The following CCT2 variants were observed in gnomAD, a reference collection of about 807,000 sequenced individuals.
CCT2 encodes T-complex protein 1 subunit beta.
A neutral mutation model predicts 61.8 loss-of-function variants in CCT2; 18 were observed. The ratio of observed to expected loss-of-function variants is 0.29; its 90% CI spans 0.20 to 0.43. The LOEUF (loss-of-function observed/expected upper bound fraction) is 0.43. CCT2 is among the 20% of genes least tolerant of loss of function. The probability of loss-of-function intolerance (pLI) is 1.00; values close to 1 mark genes in which losing one functional copy is unlikely to be tolerated. For missense variants in CCT2, 556 were observed against 656.9 expected, an observed-to-expected ratio of 0.85 and a Z score of 1.68; for synonymous variants, 248 against 215.9, an observed-to-expected ratio of 1.15 and a Z score of -1.30.
intron 9 of CCT2, 76 bp from the exon 10 acceptor site, chr12:69,593,430 ATGTT>A: frequency 1.1e-6 from 1 of 898,120 alleles, no homozygotes; most frequent in South Asian, 1.6e-5. Context: ...TGTGGTAAAA[ATGTT>A]TACATGTTTT....
Position 69,587,976 on chromosome 12 carries a change from T to G in CCT2, c.303T>G (p.Ser101=). The G allele has an allele frequency of 6.2e-7, 1 of 1,613,846 alleles. No homozygotes were observed. The highest frequency in any genetic ancestry group is 8.5e-7 in the Non-Finnish European group (1 of 1,179,722). The change falls in exon 5 of 16, where the codon TCT becomes TCG. Residue 101 remains serine, a synonymous_variant. Transcript: ENST00000299300. Reference sequence around the variant, plus strand: ...ATGAAGTTGGTGATGGCACTACCTCTGTTACCGTTTTAGCAGCAGAATTAT... The same window carrying G: ...ATGAAGTTGGTGATGGCACTACCTCGGTTACCGTTTTAGCAGCAGAATTAT... The part of the protein sequence containing the change: ...QDDEVGDGTT[S]VTVLAAELLR...
rs1490316547 is a variant in CCT2, at chr12:69,597,138, A to C, written c.983-18A>C. ...TAAGCCTGCTGTGCATTTAACTAAT[A>C]CATGTTTATGTTTATAGGTGGTGAA... On this transcript the variant is annotated intron_variant, in intron 10 of 15. Transcript: ENST00000299300. The C allele has an allele frequency of 1.9e-6, 3 of 1,611,052 alleles. No homozygotes were observed. Among genetic ancestry groups the C allele is most frequent in the South Asian group, 2.2e-5 (2 of 90,842 alleles).
At chr12:69,585,941 G>A in intron 1 of CCT2, 1 of 1,281,128 alleles carries the variant, frequency 7.8e-7, no homozygotes, top group Non-Finnish European at 9.9e-7. Context: ...CCGCCCGGCA[G>A]GCGTCACCTT....
chr12:69,587,101 C>A (rs1881687750), intron 3 of CCT2: 1 of 348,910 alleles, frequency 2.9e-6, no homozygotes, highest in Non-Finnish European at 5.1e-6. Flanking sequence ...ATGTAACATA[C>A]TGTTTTATAA....
rs1272318919 is a variant in CCT2, at chr12:69,589,469, G to T, written c.447-16G>T. The T allele has an allele frequency of 5.0e-6, 8 of 1,597,078 alleles. No individual in the cohort carries two copies. The highest frequency in any genetic ancestry group is 3.3e-5 in the South Asian group (3 of 90,600). The stretch of plus-strand genomic sequence containing the variant: ...TAAAGTAGGGTTAATATGTATATTT[G>T]GTTGGTTTTATTTAGTTCCGATGAA... On this transcript the variant is annotated splice_polypyrimidine_tract_variant and intron_variant, in intron 6 of 15. Transcript: ENST00000299300.
chr12:69,597,083 C>G, intron 10 of CCT2, 73 bp from the exon 11 acceptor site: 1 of 1,375,622 alleles, frequency 7.3e-7, no homozygotes, highest in Non-Finnish European at 1.0e-6. Flanking sequence ...CATTATCTAT[C>G]CATTACTGCT....
rs1454240554 is a variant in CCT2, at chr12:69,586,046, A to G, written c.4-224A>G. ...TCAATCTCGCTGGTGTATAATTTATACTCCCGGGGGCCTTGTAAATCCGAA... is the reference window on the plus strand; with the variant it reads ...TCAATCTCGCTGGTGTATAATTTATGCTCCCGGGGGCCTTGTAAATCCGAA... On this transcript the variant is annotated intron_variant, in intron 1 of 15. Coordinates refer to ENST00000299300, the MANE Select transcript of CCT2 (RefSeq NM_006431.3). 7 of 1,382,156 alleles carry G rather than the reference A, an allele frequency of 5.1e-6. No individual in the cohort carries two copies. In the African/African-American group the frequency reaches 8.9e-5, roughly 18 times the overall value. The allele number at this position is 1,382,156 out of a possible 1,614,324, so 85.6% of individuals were successfully genotyped here.
intron 10 of CCT2, among the ~76,000 whole-genome samples, chr12:69,596,196 A>C (rs1691007908): frequency 6.6e-6 from 1 of 152,246 alleles, no homozygotes; most frequent in Non-Finnish European, 1.5e-5. Context: ...AACACAAAGC[A>C]GTCTCAGAAT....
rs761734093 is a variant in CCT2 at position 69,593,044 on chromosome 12, A to G, written c.819A>G (p.Glu273=). ...KVAEIEHAEK[E]KMKEKVERIL... Reference sequence around the variant, plus strand: ...CAGAAATAGAACATGCGGAAAAGGAAAAAATGAAGGAGAAAGTTGAACGTA... The same window carrying G: ...CAGAAATAGAACATGCGGAAAAGGAGAAAATGAAGGAGAAAGTTGAACGTA... Residue 273 remains glutamate, a synonymous_variant, in exon 9 of 16, where the codon GAA becomes GAG. Transcript: ENST00000299300. The G allele has an allele frequency of 1.2e-6, 2 of 1,613,730 alleles. No individual in the cohort carries two copies. Among genetic ancestry groups the G allele is most frequent in the South Asian group, 2.2e-5 (2 of 91,074 alleles).
At chr12:69,586,866 T>G in intron 3 of CCT2, 48 bp downstream of exon 3, 1 of 1,123,812 alleles carries the variant, frequency 8.9e-7, no homozygotes, top group Non-Finnish European at 1.3e-6. Flanking sequence ...TTTAGAGCGC[T>G]TGGTGGAAAT....
chr12:69,597,017 G>A lies in CCT2; in HGVS notation c.983-139G>A. The A allele has an allele frequency of 4.7e-6, 3 of 640,190 alleles. No homozygotes were observed. In the East Asian group the frequency reaches 8.4e-5, roughly 18 times the overall value. The allele number at this position is 640,190 out of a possible 1,614,324, so 39.7% of individuals were successfully genotyped here. On this transcript the variant is annotated intron_variant, in intron 10 of 15. Coordinates refer to ENST00000299300, the MANE Select transcript of CCT2 (RefSeq NM_006431.3). ...TTAGTCGATATGAAGTATTTAAAAAGAGTGCCAGGAATATAATCAGCAATC... is the reference window on the plus strand; with the variant it reads ...TTAGTCGATATGAAGTATTTAAAAAAAGTGCCAGGAATATAATCAGCAATC...
At chr12:69,597,818 T>C (rs1237217762) in intron 12 of CCT2, 52 bp downstream of exon 12, 1 of 1,523,924 alleles carries the variant, frequency 6.6e-7, no homozygotes, top group African/African-American at 1.4e-5. Context: ...AAGTACAATA[T>C]AAGTCATAAG....
rs201035268 is a variant in CCT2 at position 69,587,912 on chromosome 12, A to T, written c.257-18A>T. ...GCAAAGAAGCAATTTTGAGTTAATA[A>T]CTAATTTCTTTTTCTAGATATGTCA... is the stretch of plus-strand genomic sequence containing the variant. On this transcript the variant is annotated intron_variant, in intron 4 of 15. Transcript: ENST00000299300. The T allele has an allele frequency of 1.4e-4, 222 of 1,585,146 alleles. 1 individual carries two copies. Among genetic ancestry groups the T allele is most frequent in the Non-Finnish European group, 1.7e-4 (196 of 1,153,998 alleles).
At chr12:69,600,075 A>G in intron 15 of CCT2, 71 bp downstream of exon 15, 2 of 1,339,510 alleles carry the variant, frequency 1.5e-6, no homozygotes, top group Non-Finnish European at 2.0e-6. Context: ...TTATTTTATA[A>G]TTAGAGTTAA....
At chr12:69,585,732 A>G (rs1881628314) in intron 1 of CCT2, 2 of 1,457,124 alleles carry the variant, frequency 1.4e-6, no homozygotes, top group Non-Finnish European at 1.8e-6. Context: ...CCGCAAAGCC[A>G]GCGTCTCCTT....
intron 4 of CCT2, 79 bp from the exon 5 acceptor site, chr12:69,587,851 T>A: frequency 1.7e-6 from 2 of 1,144,894 alleles, no homozygotes; most frequent in Non-Finnish European, 2.6e-6. Flanking sequence ...CTGGTAAGTT[T>A]AGATTGGTAG....
chr12:69,593,060 G>A lies in CCT2; in HGVS notation c.835G>A (p.Val279Ile). The change falls in exon 9 of 16, where the codon GTT becomes ATT. Residue 279 changes from valine to isoleucine, a missense_variant. By Grantham distance (29) the Val-to-Ile change is conservative (BLOSUM62 3). Around this residue, in one of 3 missense-constraint regions of CCT2, gnomAD observed 308 missense variants for 350.6 expected, o/e 0.88. Coordinates refer to ENST00000299300, the MANE Select transcript of CCT2 (RefSeq NM_006431.3). ...GGAAAAGGAAAAAATGAAGGAGAAAGTTGAACGTATTCTTAAGCATGGAAT... is the reference window on the plus strand; with the variant it reads ...GGAAAAGGAAAAAATGAAGGAGAAAATTGAACGTATTCTTAAGCATGGAAT... The part of the protein sequence containing the change: ...HAEKEKMKEK[V>I]ERILKHGINC... The A allele has an allele frequency of 1.9e-6, 3 of 1,613,116 alleles. No homozygotes were observed.
At chr12:69,589,119 GGT>G in intron 6 of CCT2, 1 of 215,590 alleles carries the variant, frequency 4.6e-6, no homozygotes, top group Non-Finnish European at 9.2e-6. Flanking sequence ...GTGTAGATGG[GGT>G]TTCACCATGT....
At position 69,589,592 on chromosome 12, in the gene CCT2, A is replaced by C; in HGVS notation, c.554A>C (p.Glu185Ala). ...GACCACTTTACAAAGTTAGCTGTAGAAGCAGTTCTCAGACTGAAAGGCTCT... is the reference window on the plus strand; with the variant it reads ...GACCACTTTACAAAGTTAGCTGTAGCAGCAGTTCTCAGACTGAAAGGCTCT... ...HKDHFTKLAV[E>A]AVLRLKGSGN... The change falls in exon 7 of 16, where the codon GAA (glutamate) becomes GCA (alanine). Residue 185 changes from glutamate to alanine, a missense_variant. Transcript: ENST00000299300. The C allele has an allele frequency of 1.2e-6, 2 of 1,614,100 alleles. No homozygotes were observed. The highest frequency in any genetic ancestry group is 1.7e-6 in the Non-Finnish European group (2 of 1,179,970).
Sources: allele counts gnomAD v4.1 joint callset (sites outside exome capture counted in the v4.1 genomes callset), GRCh38; gene constraint gnomAD v4.1.1; regional missense constraint gnomAD v4.1.1; transcripts MANE v1.5; gene names NCBI Gene and HGNC (gene_info 2026-07-23, HGNC 2026-07-21).